PARD3: variants seen among roughly 807,000 people sequenced by gnomAD.
PARD3 encodes par-3 family cell polarity regulator.
Under a neutral mutation model 155.4 loss-of-function variants are expected in PARD3, and 75 were observed. The ratio of observed to expected loss-of-function variants is 0.48; its 90% CI spans 0.40 to 0.58. The LOEUF (loss-of-function observed/expected upper bound fraction) is 0.58, where lower values mean the gene tolerates loss of function less well. Among genes scored for constraint, PARD3 ranks in the 20% least tolerant of loss-of-function variants. The probability of loss-of-function intolerance (pLI) is 0.00; values close to 1 mark genes in which losing one functional copy is unlikely to be tolerated. For missense variants in PARD3, 1,642 were observed against 1,721.7 expected (o/e 0.95, Z 0.82); for synonymous variants, 576 against 610.5 (o/e 0.94, Z 0.83).
At chr10:34,234,268 C>A (rs1343320727) in intron 22 of PARD3, among the ~76,000 whole-genome samples, 1 of 151,580 alleles carries the variant, frequency 6.6e-6, no homozygotes, top group Non-Finnish European at 1.5e-5. Context: ...ACTTTGTAAT[C>A]AGTTTCCCTC....
At chr10:34,724,686 T>C (rs1164979133) in intron 1 of PARD3, among the ~76,000 whole-genome samples, 5 of 152,212 alleles carry the variant, frequency 3.3e-5, no homozygotes, top group Admixed American at 6.5e-5. Flanking sequence ...TTTACTGTTA[T>C]GTTATATTAT....
At chr10:34,206,915 G>C (rs150125858) in intron 22 of PARD3, among the ~76,000 whole-genome samples, 131 of 152,178 alleles carry the variant, frequency 8.6e-4, no homozygotes, top group African/African-American at 2.8e-3. Context: ...TCGAGGTCTT[G>C]TCCCATACAG....
intron 22 of PARD3, among the ~76,000 whole-genome samples, chr10:34,233,868 G>A (rs997041844): frequency 2.0e-5 from 3 of 152,100 alleles, no homozygotes; most frequent in African/African-American, 7.3e-5. Context: ...CCTACTGTCT[G>A]TCTCTGAGCT....
intron 1 of PARD3, among the ~76,000 whole-genome samples, chr10:34,779,858 T>G (rs1840044457): frequency 6.6e-6 from 1 of 152,202 alleles, no homozygotes; most frequent in Admixed American, 6.5e-5. Flanking sequence ...CAAGGAGACG[T>G]GTCCATTTCA....
intron 2 of PARD3, among the ~76,000 whole-genome samples, chr10:34,618,828 T>G (rs1335769619): frequency 1.3e-5 from 2 of 152,062 alleles, no homozygotes; most frequent in African/African-American, 4.8e-5. Context: ...TCCTCCTCTC[T>G]CCTCAGTTAC....
intron 2 of PARD3, among the ~76,000 whole-genome samples, chr10:34,656,162 GC>G (rs1215834148): frequency 2.0e-5 from 3 of 151,900 alleles, no homozygotes; most frequent in Non-Finnish European, 4.4e-5. Flanking sequence ...TAACACCACT[GC>G]CCCCCATAAA....
chr10:34,450,296 T>C (rs534771501), intron 5 of PARD3, 21 bp downstream of exon 5: 4 of 1,608,820 alleles, frequency 2.5e-6, no homozygotes, highest in Non-Finnish European at 3.4e-6. Context: ...ATGACGCACA[T>C]ATAAGGATTT....
intron 7 of PARD3, among the ~76,000 whole-genome samples, chr10:34,389,189 T>C (rs1015399358): frequency 2.6e-4 from 34 of 129,246 alleles, no homozygotes; most frequent in Non-Finnish European, 4.5e-4. Flanking sequence ...AATACAAAAG[T>C]ATGTTACATG....
intron 1 of PARD3, among the ~76,000 whole-genome samples, chr10:34,766,328 C>T (rs555918245): frequency 7.2e-5 from 11 of 152,290 alleles, no homozygotes; most frequent in Admixed American, 2.0e-4. Flanking sequence ...GGAAACACTT[C>T]AAGGTACAAG....
intron 3 of PARD3, among the ~76,000 whole-genome samples, chr10:34,507,152 C>T (rs982422262): frequency 6.6e-6 from 1 of 152,164 alleles, no homozygotes; most frequent in Admixed American, 6.5e-5. Flanking sequence ...AATGCCAATA[C>T]AGCTCCCAGT....
At chr10:34,344,972 T>G (rs1837250946) in intron 15 of PARD3, 1 of 985,262 alleles carries the variant, frequency 1.0e-6, no homozygotes, top group African/African-American at 1.7e-5. Flanking sequence ...GAAGGCTGCT[T>G]TCAAAGATTT....
At chr10:34,493,874 C>G (rs938710518) in intron 3 of PARD3, among the ~76,000 whole-genome samples, 1 of 152,112 alleles carries the variant, frequency 6.6e-6, no homozygotes, top group African/African-American at 2.4e-5. Flanking sequence ...CATGATGCAC[C>G]TTCTCCATCT....
Position 34,196,734 on chromosome 10 carries a change from T to C in PARD3, c.3420-65151A>G, listed in dbSNP as rs1950961810. ...GACTACAGGTGCCCGCCACCACACT[T>C]GGCTAATTTTCTGTATTTTTAGTAG... On this transcript the variant is annotated intron_variant, in intron 22 of 24. Coordinates refer to ENST00000374788, the MANE Select transcript of PARD3 (RefSeq NM_001184785.2). Among the ~76,000 whole-genome samples, 8 of 151,646 alleles carry C rather than the reference T, an allele frequency of 5.3e-5. No individual in the cohort carries two copies. The South Asian group carries it at 1.7e-3, about 32-fold the overall frequency.
chr10:34,541,110 G>A lies in PARD3; in HGVS notation c.223-23951C>T, dbSNP rs748958922. 7.2e-5 allele frequency among the ~76,000 whole-genome samples: 11 copies of A among 152,268 alleles called. No individual in the cohort carries two copies. The South Asian group carries it at 1.0e-3, about 14-fold the overall frequency. ...ACCATGAAATGCAATATAGAAAATT[G>A]TGACTGATTTTTAGAAGACAAAGCC... On this transcript the variant is annotated intron_variant, in intron 2 of 24. Coordinates refer to ENST00000374788, the MANE Select transcript of PARD3 (RefSeq NM_001184785.2).
intron 1 of PARD3, among the ~76,000 whole-genome samples, chr10:34,719,624 C>A (rs556045959): frequency 6.6e-6 from 1 of 152,152 alleles, no homozygotes; most frequent in South Asian, 2.1e-4. Flanking sequence ...TAGACCTGCT[C>A]GATATCATAC....
intron 15 of PARD3, chr10:34,345,876 A>G (rs1270512328): frequency 1.0e-6 from 1 of 985,294 alleles, no homozygotes; most frequent in East Asian, 1.1e-4. Flanking sequence ...ACTGACAAAA[A>G]GTGAGGAATT....
At chr10:34,451,166 T>A (rs2077034866) in intron 4 of PARD3, among the ~76,000 whole-genome samples, 1 of 152,218 alleles carries the variant, frequency 6.6e-6, no homozygotes, top group Admixed American at 6.5e-5. Context: ...GATATTTCTT[T>A]CAGATAAAAA....
chr10:34,455,657 A>G (rs1475481315), intron 4 of PARD3, among the ~76,000 whole-genome samples: 3 of 152,208 alleles, frequency 2.0e-5, no homozygotes, highest in Non-Finnish European at 4.4e-5. Context: ...TTAATCACCA[A>G]CTTGTAAATG....
chr10:34,284,188 C>T lies in PARD3; in HGVS notation c.3123G>A (p.Gln1041=). Residue 1041 remains glutamine, a synonymous_variant, in exon 21 of 25, where the codon CAG becomes CAA. Transcript: ENST00000374788. Reference sequence around the variant, plus strand: ...TCTCCTCTTCTGATGTAAAGGATTCCTGTATTTTTATTTTACCCGTTTTCT... The same window carrying T: ...TCTCCTCTTCTGATGTAAAGGATTCTTGTATTTTTATTTTACCCGTTTTCT... The part of the protein sequence containing the change: ...KIEKTGKIKI[Q]ESFTSEEERI... The T allele has an allele frequency of 4.3e-6, 7 of 1,610,306 alleles. No individual in the cohort carries two copies. The highest frequency in any genetic ancestry group is 5.9e-6 in the Non-Finnish European group (7 of 1,178,358).
Sources: allele counts gnomAD v4.1 joint callset (sites outside exome capture counted in the v4.1 genomes callset), GRCh38; gene constraint gnomAD v4.1.1; transcripts MANE v1.5; gene names NCBI Gene and HGNC (gene_info 2026-07-23, HGNC 2026-07-21).